Variants in UNKL observed in about 807,000 individuals in gnomAD.
UNKL encodes unk like zinc finger, also known as putative E3 ubiquitin-protein ligase UNKL.
UNKL carries 60 observed loss-of-function variants against 78.0 expected under a neutral mutation model. That is an observed-to-expected ratio of 0.77 (90% CI 0.63 to 0.95). UNKL has a LOEUF of 0.95. Ranked by LOEUF, UNKL falls within the 40% of genes least tolerant of loss-of-function variation. The probability of loss-of-function intolerance (pLI) is 0.00; values close to 1 mark genes in which losing one functional copy is unlikely to be tolerated. For missense variants in UNKL, 1,159 were observed against 1,045.7 expected, an observed-to-expected ratio of 1.11 and a Z score of -1.49; for synonymous variants, 608 against 474.8, an observed-to-expected ratio of 1.28 and a Z score of -3.65.
rs1333025459 is a variant in UNKL, at chr16:1,367,344, G to A, written c.1794C>T (p.Cys598=). The A allele has an allele frequency of 9.1e-6, 14 of 1,541,258 alleles. No individual in the cohort carries two copies. Among genetic ancestry groups the A allele is most frequent in the East Asian group, 2.4e-5 (1 of 41,114 alleles). Residue 598 remains cysteine, a synonymous_variant, in exon 14 of 15, where the codon TGC becomes TGT. Coordinates refer to ENST00000389221, the MANE Select transcript of UNKL (RefSeq NM_001372107.1). ...CCTGCGCCTCTCGCTGCCAGGCATC[G>A]CAGACCTGAAACCCAGGGCCCGTCT... ...EESWQQVKQV[C]DAWQREAQEA... is the part of the protein sequence containing the mutation.
At chr16:1,369,106 C>G (rs1010959901) in intron 12 of UNKL, among the ~76,000 whole-genome samples, 12 of 136,036 alleles carry the variant, frequency 8.8e-5, no homozygotes, top group Non-Finnish European at 1.4e-4. Flanking sequence ...AGCTCTATCG[C>G]CAGGCTGGAT....
At chr16:1,397,083 C>A in intron 6 of UNKL, 95 bp downstream of exon 6, 1 of 1,365,016 alleles carries the variant, frequency 7.3e-7, no homozygotes, top group Non-Finnish European at 1.0e-6. Flanking sequence ...CAAAGTTAAT[C>A]ACTGTTCCTT....
chr16:1,394,519 T>G (rs146908398), intron 6 of UNKL: 1 of 571,104 alleles, frequency 1.8e-6, no homozygotes, highest in East Asian at 4.0e-5. Flanking sequence ...AAATTCAGAG[T>G]CTGGTATGCA....
rs763944286 is a variant in UNKL, at chr16:1,366,196, C to T, written c.*44G>A. On this transcript the variant is annotated 3_prime_UTR_variant, in exon 15 of 15. Transcript: ENST00000389221. ...GACATGTCCGTGGTCAGGAGGAGCG[C>T]TGGAGCCAGGGTGCCCAGCAGGAGG... 4.0e-5 allele frequency: 59 copies of T among 1,460,856 alleles called. No homozygotes were observed. The highest frequency in any genetic ancestry group is 4.8e-5 in the Non-Finnish European group (53 of 1,097,368). 90.5% of individuals were successfully genotyped at this position (1,460,856 alleles called of 1,614,324 possible). A position where few individuals can be genotyped will look rare whatever the true frequency, so the allele number is the denominator to read the frequency against.
At position 1,384,130 on chromosome 16, in the gene UNKL, C is replaced by T. The variant is rs113549230; in HGVS notation, c.1264+1078G>A. On this transcript the variant is annotated intron_variant, in intron 10 of 14. Coordinates refer to ENST00000389221, the MANE Select transcript of UNKL (RefSeq NM_001372107.1). The stretch of plus-strand genomic sequence containing the variant: ...CCCTTGGGCGCTGGTGGCCATGGAA[C>T]ATGGGGCTTCAGCACATCCCATCAC... Among the ~76,000 whole-genome samples the T allele has an allele frequency of 1.7e-3, 256 of 152,284 alleles. 3 individuals are homozygous for T. Among genetic ancestry groups the T allele is most frequent in the African/African-American group, 5.3e-3 (221 of 41,562 alleles).
chr16:1,388,639 C>T (rs543650909), intron 9 of UNKL, among the ~76,000 whole-genome samples: 87 of 152,304 alleles, frequency 5.7e-4, no homozygotes, highest in Non-Finnish European at 1.0e-3. Flanking sequence ...CCACAGATGA[C>T]GGGCCTGGTG....
chr16:1,403,441 T>A lies in UNKL; in HGVS notation c.288-97A>T. 10 of 1,360,912 alleles carry A rather than the reference T, an allele frequency of 7.3e-6. No individual in the cohort carries two copies. The highest frequency in any genetic ancestry group is 1.0e-5 in the Non-Finnish European group (10 of 999,186). The allele number at this position is 1,360,912 out of a possible 1,614,324, so 84.3% of individuals were successfully genotyped here. On this transcript the variant is annotated intron_variant, in intron 2 of 14. Transcript: ENST00000389221. This position sits in a 1 kb window ranked among gnomAD's most constrained non-coding sequence, Gnocchi z 4.8. ...CGCCCTGTCAGCACGTGGCAAGCAG[T>A]GAATTCCCTTCCCTTCTTCCAGATT... is the stretch of plus-strand genomic sequence containing the variant.
At chr16:1,409,811 T>C (rs567473166) in intron 2 of UNKL, among the ~76,000 whole-genome samples, 6 of 152,196 alleles carry the variant, frequency 3.9e-5, no homozygotes, top group African/African-American at 1.4e-4. Flanking sequence ...CCGGGCGCGG[T>C]GGCTCATGTC....
At position 1,399,149 on chromosome 16, in the gene UNKL, T is replaced by A. The variant is rs2037403057; in HGVS notation, c.734+225A>T. On this transcript the variant is annotated intron_variant, in intron 5 of 14. Transcript: ENST00000389221. The surrounding 1 kb of genome is among the most constrained non-coding windows in gnomAD (Gnocchi z 5.8). The stretch of plus-strand genomic sequence containing the variant: ...AGAGGGGCCCCGGTAGGGGACTGCA[T>A]GGGAGACACTGAGCGTAGGTGGGGA... The A allele has an allele frequency of 2.7e-6, 3 of 1,107,096 alleles. No homozygotes were observed. The East Asian group carries it at 7.9e-5, about 29-fold the overall frequency. 68.6% of individuals were successfully genotyped at this position (1,107,096 alleles called of 1,614,324 possible). A position where few individuals can be genotyped will look rare whatever the true frequency, so the allele number is the denominator to read the frequency against.
Position 1,373,082 on chromosome 16 carries a change from G to C in UNKL, c.1265-1471C>G, listed in dbSNP as rs1229087062. ...GGACTGCCGGCCTACACCGCACAGA[G>C]ACCTCAGCAGCATGGAACACACCAC... On this transcript the variant is annotated intron_variant, in intron 10 of 14. Coordinates refer to ENST00000389221, the MANE Select transcript of UNKL (RefSeq NM_001372107.1). Among the ~76,000 whole-genome samples the C allele has an allele frequency of 1.8e-4, 2 of 11,074 alleles. 1 individual carries two copies. The highest frequency in any genetic ancestry group is 3.0e-4 in the Non-Finnish European group (2 of 6,670). The allele number at this position is 11,074 out of a possible 152,430, so 7.3% of individuals were successfully genotyped here.
chr16:1,379,674 G>A (rs1326885233), intron 10 of UNKL: 8 of 984,284 alleles, frequency 8.1e-6, no homozygotes, highest in South Asian at 4.7e-5. Context: ...GCCGCCGCCG[G>A]GGATTCAAAC....
intron 5 of UNKL, chr16:1,398,693 C>CCCCCCCCCCCGCCAA: frequency 8.3e-7 from 1 of 1,206,638 alleles, no homozygotes; most frequent in Middle Eastern, 3.6e-4. Context: ...CCCCCCACCC[C>CCCCCCCCCCCGCCAA]CCTCTCAGGT....
At chr16:1,395,713 G>A (rs746953322) in intron 6 of UNKL, 1 of 456,590 alleles carries the variant, frequency 2.2e-6, no homozygotes, top group South Asian at 1.5e-5. Context: ...CCCACGTGGT[G>A]CCAGCTCCAC....
chr16:1,402,203 G>A (rs2037558132), intron 3 of UNKL, among the ~76,000 whole-genome samples: 1 of 148,786 alleles, frequency 6.7e-6, no homozygotes, highest in East Asian at 1.9e-4. Context: ...ACCCAGAAGA[G>A]AAACACACAG....
intron 2 of UNKL, among the ~76,000 whole-genome samples, chr16:1,407,846 G>A (rs1174741738): frequency 1.3e-5 from 2 of 152,204 alleles, no homozygotes; most frequent in Non-Finnish European, 2.9e-5. Context: ...GGGGTGGGCT[G>A]GCAGATGGCC....
chr16:1,402,394 G>T (rs1304911191), intron 3 of UNKL, among the ~76,000 whole-genome samples: 3 of 152,248 alleles, frequency 2.0e-5, no homozygotes, highest in Non-Finnish European at 2.9e-5. Flanking sequence ...CAGGTGCAGC[G>T]GCTCACGTCT....
chr16:1,366,231 C>A lies in UNKL; in HGVS notation c.*9G>T. ...GGTGCCCAGCAGGAGGTGGCTGTCC[C>A]CGCTGAGGTCACCACTGCAGGGGCT... On this transcript the variant is annotated 3_prime_UTR_variant, in exon 15 of 15. Transcript: ENST00000389221. 1 of 1,531,560 alleles carries A rather than the reference C, an allele frequency of 6.5e-7. No individual in the cohort carries two copies. The highest frequency in any genetic ancestry group is 2.0e-5 in the Admixed American group (1 of 50,500). 94.9% of individuals were successfully genotyped at this position (1,531,560 alleles called of 1,614,324 possible). A position where few individuals can be genotyped will look rare whatever the true frequency, so the allele number is the denominator to read the frequency against.
Position 1,392,986 on chromosome 16 carries a change from CA to C in UNKL, c.938-11del. 1 of 1,550,428 alleles carries C rather than the reference CA, an allele frequency of 6.4e-7. No homozygotes were observed. Among genetic ancestry groups the C allele is most frequent in the Non-Finnish European group, 8.7e-7 (1 of 1,146,952 alleles). On this transcript the variant is annotated splice_polypyrimidine_tract_variant and intron_variant, in intron 7 of 14. Coordinates refer to ENST00000389221, the MANE Select transcript of UNKL (RefSeq NM_001372107.1). ...ACCATCCCCAGGCTCTCTGCAAGGA[CA>C]GGGGAGCAGCAGACTCTGAGGGCCG...
Position 1,376,713 on chromosome 16 carries a change from C to CG in UNKL, c.1265-5103_1265-5102insC, listed in dbSNP as rs397947936. On this transcript the variant is annotated intron_variant, in intron 10 of 14. Coordinates refer to ENST00000389221, the MANE Select transcript of UNKL (RefSeq NM_001372107.1). ...AGGGGGATACATTCCAAGACCCCCCCATGGACGCCTGATGCTGCGGATAGC... is the reference window on the plus strand; with the variant it reads ...AGGGGGATACATTCCAAGACCCCCCCGATGGACGCCTGATGCTGCGGATAGC... Among the ~76,000 whole-genome samples, 40 of 152,070 alleles carry CG rather than the reference C, an allele frequency of 2.6e-4. 1 individual carries two copies. The highest frequency in any genetic ancestry group is 9.4e-4 in the African/African-American group (39 of 41,484).
Sources: gnomAD v4.1 joint callset for allele counts (sites outside exome capture counted in the v4.1 genomes callset) on GRCh38, gnomAD v4.1.1 for gene constraint, Gnocchi (gnomAD v3.1) non-coding constraint, MANE v1.5 for transcripts, NCBI Gene and HGNC (gene_info 2026-07-23, HGNC 2026-07-21) for gene names.